SPTBN5: variants seen among roughly 807,000 people sequenced by gnomAD.
The protein encoded by SPTBN5 is spectrin beta chain, non-erythrocytic 5.
SPTBN5 carries 513 observed loss-of-function variants against 477.6 expected under a neutral mutation model. That is an observed-to-expected ratio of 1.07 (90% CI 1.00 to 1.16). SPTBN5 has a LOEUF of 1.16. Among genes scored for constraint, SPTBN5 ranks in the 50% most tolerant of loss-of-function variants. SPTBN5 has a pLI of 0.00. For synonymous variants in SPTBN5, 2,169 were observed against 2,011.7 expected (o/e 1.08, Z -2.09); for missense variants, 5,062 against 4,731.8 (o/e 1.07, Z -2.05).
At chr15:41,859,019 C>CG (rs1015023493) in intron 47 of SPTBN5, 39 bp from the exon 48 acceptor site, 1 of 1,458,734 alleles carries the variant, frequency 6.9e-7, no homozygotes, top group African/African-American at 1.4e-5. Context: ...GAGCCACCCC[C>CG]GGGGCCAGGT....
chr15:41,885,871 C>A lies in SPTBN5; in HGVS notation c.1384G>T (p.Val462Leu). ...CCCAGCCTCTGGACGGCTGCCTCCA[C>A]TGTGGCCAGGCTGGCTGGCGGGGCT... is the stretch of plus-strand genomic sequence containing the variant. ...ARAPPASLAT[V>L]EAAVQRLGML... The change falls in exon 7 of 68, where the codon GTG becomes TTG. Residue 462 changes from valine to leucine, a missense_variant. Val to Leu is a conservative substitution (Grantham distance 32). Coordinates refer to ENST00000320955, the MANE Select transcript of SPTBN5 (RefSeq NM_016642.4). The A allele has an allele frequency of 6.3e-7, 1 of 1,580,832 alleles. No homozygotes were observed. Among genetic ancestry groups the A allele is most frequent in the Non-Finnish European group, 8.6e-7 (1 of 1,163,512 alleles).
intron 64 of SPTBN5, 43 bp from the exon 65 acceptor site, chr15:41,851,193 C>G (rs2065747143): frequency 6.3e-7 from 1 of 1,595,112 alleles, no homozygotes; most frequent in South Asian, 1.1e-5. Context: ...GCCATCTCAG[C>G]TTTTCCCTGT....
At chr15:41,890,259 C>T in intron 3 of SPTBN5, 54 bp from the exon 4 acceptor site, 1 of 1,319,876 alleles carries the variant, frequency 7.6e-7, no homozygotes, top group South Asian at 1.2e-5. Context: ...AGAGAGGACT[C>T]AGTCACCAAA....
intron 16 of SPTBN5, among the ~76,000 whole-genome samples, chr15:41,878,910 A>G (rs1432959250): frequency 6.6e-6 from 1 of 152,156 alleles, no homozygotes; most frequent in Non-Finnish European, 1.5e-5. Context: ...TACTAAAAAT[A>G]CAAAAATTAG....
chr15:41,859,514 G>A (rs759621348), intron 47 of SPTBN5, among the ~76,000 whole-genome samples: 26 of 152,230 alleles, frequency 1.7e-4, no homozygotes, highest in Non-Finnish European at 3.7e-4. Context: ...TTTGGAGACA[G>A]CGTCTTTAAA....
Position 41,876,641 on chromosome 15 carries a change from T to C in SPTBN5, c.3858A>G (p.Arg1286=). 1 of 1,129,634 alleles carries C rather than the reference T, an allele frequency of 8.9e-7. No homozygotes were observed. The highest frequency in any genetic ancestry group is 1.3e-5 in the South Asian group (1 of 79,972). The allele number at this position is 1,129,634 out of a possible 1,614,324, so 70.0% of individuals were successfully genotyped here. ...QSQHPAAHTV[R]EQLQSIQAQW... ...GTGCCTGGATACTCTGCAGCTGCTCTCTGACCCTGGAGGGCGGGGGGGGGT... is the reference window on the plus strand; with the variant it reads ...GTGCCTGGATACTCTGCAGCTGCTCCCTGACCCTGGAGGGCGGGGGGGGGT... Residue 1286 remains arginine, a synonymous_variant, in exon 20 of 68, where the codon AGA becomes AGG. Coordinates refer to ENST00000320955, the MANE Select transcript of SPTBN5 (RefSeq NM_016642.4).
intron 51 of SPTBN5, 98 bp downstream of exon 51, chr15:41,857,140 G>A (rs1022914546): frequency 7.3e-6 from 11 of 1,513,762 alleles, no homozygotes; most frequent in Non-Finnish European, 8.9e-6. Flanking sequence ...CTCACCATGG[G>A]CAAGGGGAGA....
intron 6 of SPTBN5, 145 bp downstream of exon 6, chr15:41,887,068 A>G (rs1435380475): frequency 2.7e-6 from 2 of 729,482 alleles, no homozygotes; most frequent in African/African-American, 3.5e-5. Flanking sequence ...TCCAGGCATC[A>G]TCATCTCCAT....
At chr15:41,869,468 A>C (rs1469759583) in intron 32 of SPTBN5, among the ~76,000 whole-genome samples, 5 of 152,018 alleles carry the variant, frequency 3.3e-5, no homozygotes, top group Non-Finnish European at 7.4e-5. Flanking sequence ...TCCTCTCTCC[A>C]CCCGTGGCTT....
At chr15:41,883,988 T>G (rs2067067737) in intron 7 of SPTBN5, among the ~76,000 whole-genome samples, 1 of 151,374 alleles carries the variant, frequency 6.6e-6, no homozygotes, top group Non-Finnish European at 1.5e-5. Flanking sequence ...TTTTTATTTT[T>G]TATTTATTTA....
Position 41,870,171 on chromosome 15 carries a change from C to G in SPTBN5, c.5673+72G>C, listed in dbSNP as rs1210982283. 2.2e-5 allele frequency: 33 copies of G among 1,500,276 alleles called. No homozygotes were observed. The South Asian group carries it at 4.2e-4, about 19-fold the overall frequency. 92.9% of individuals were successfully genotyped at this position (1,500,276 alleles called of 1,614,324 possible). On this transcript the variant is annotated intron_variant, in intron 31 of 67. Coordinates refer to ENST00000320955, the MANE Select transcript of SPTBN5 (RefSeq NM_016642.4). ...GAGGCCCTGAGGGACAGTGGAAAATCTAGAGGAACAGGCAGGCCAGCCTGA... is the reference window on the plus strand; with the variant it reads ...GAGGCCCTGAGGGACAGTGGAAAATGTAGAGGAACAGGCAGGCCAGCCTGA...
chr15:41,856,419 C>A lies in SPTBN5; in HGVS notation c.8988G>T (p.Gln2996His). 6.3e-7 allele frequency: 1 copy of A among 1,590,326 alleles called. No homozygotes were observed. ...AEAARRRLLL[Q>H]QAQEAQQFLT... is the part of the protein sequence containing the mutation. Reference sequence around the variant, plus strand: ...GAAACTGCTGGGCCTCCTGAGCCTGCTGCAGCAGAAGCCGCCTCCGCGCCG... The same window carrying A: ...GAAACTGCTGGGCCTCCTGAGCCTGATGCAGCAGAAGCCGCCTCCGCGCCG... The change falls in exon 53 of 68, where the codon CAG (glutamine) becomes CAT (histidine). Residue 2996 changes from glutamine to histidine, a missense_variant. By Grantham distance (24) the Gln-to-His change is conservative (BLOSUM62 0). Coordinates refer to ENST00000320955, the MANE Select transcript of SPTBN5 (RefSeq NM_016642.4).
chr15:41,864,146 TGGGAAGA>T, intron 39 of SPTBN5, 122 bp from the exon 40 acceptor site: 1 of 810,804 alleles, frequency 1.2e-6, no homozygotes, highest in Non-Finnish European at 1.9e-6. Flanking sequence ...ATTTGGGCAG[TGGGAAGA>T]ACTGCCTCCT....
Position 41,855,248 on chromosome 15 carries a change from G to A in SPTBN5, c.9399C>T (p.Tyr3133=), listed in dbSNP as rs1478999598. ...TKAATAESQD[Y]GQDLEGVKVL... ...CCTTGACACCCTCCAGGTCCTGCCC[G>A]TAGTCCTGGGACTCGGCGGTGGCCG... Residue 3133 remains tyrosine (Y), a synonymous_variant, in exon 55 of 68, where the codon TAC becomes TAT. Transcript: ENST00000320955. 2.1e-5 allele frequency: 34 copies of A among 1,612,128 alleles called. No individual in the cohort carries two copies. The highest frequency in any genetic ancestry group is 4.4e-5 in the South Asian group (4 of 90,930).
chr15:41,857,289 C>G lies in SPTBN5; in HGVS notation c.8570G>C (p.Gly2857Ala), dbSNP rs982993424. The G allele has an allele frequency of 2.5e-6, 4 of 1,573,194 alleles. No individual in the cohort carries two copies. In the African/African-American group the frequency reaches 5.4e-5, roughly 21 times the overall value. The change falls in exon 51 of 68, where the codon GGC (glycine) becomes GCC (alanine). Residue 2857 changes from glycine (G) to alanine (A), a missense_variant. Transcript: ENST00000320955. ...TTCCACATCTTGGGCAAGGCAGTGG[C>G]CTTCCCTCACAAAGGCCTGGGCCTG... is the stretch of plus-strand genomic sequence containing the variant. ...LGQAQAFVRE[G>A]HCLAQDVEEQ... is the part of the protein sequence containing the mutation.
At position 41,885,767 on chromosome 15, in the gene SPTBN5, C is replaced by T; in HGVS notation, c.1488G>A (p.Glu496=). ...CCACATCTGCCCAGCTGTGGTACTG[C>T]TCCTGCCGGAGGATGTCTGCGATCT... ...LAEIADILRQ[E]QYHSWADVAR... is the part of the protein sequence containing the mutation. Residue 496 remains glutamate (E), a synonymous_variant, in exon 7 of 68, where the codon GAG becomes GAA. Transcript: ENST00000320955. The T allele has an allele frequency of 1.3e-6, 2 of 1,557,644 alleles. No individual in the cohort carries two copies. The highest frequency in any genetic ancestry group is 1.7e-6 in the Non-Finnish European group (2 of 1,150,792).
chr15:41,852,769 T>TGGTGGG, intron 60 of SPTBN5, 34 bp from the exon 61 acceptor site: 1 of 1,272,806 alleles, frequency 7.9e-7, no homozygotes, highest in Non-Finnish European at 1.1e-6. Flanking sequence ...ACGCCCAGCT[T>TGGTGGG]GGGGGGGGGG....
chr15:41,849,937 G>C lies in SPTBN5; in HGVS notation c.10944C>G (p.Leu3648=), dbSNP rs2065695344. 2.5e-6 allele frequency: 4 copies of C among 1,595,736 alleles called. No homozygotes were observed. The highest frequency in any genetic ancestry group is 3.4e-6 in the Non-Finnish European group (4 of 1,170,894). ...TCAGAGAGCTGACAGGTTTGGCTTT[G>C]AGTTTTGGGCTCAGACTCTGGGCTG... ...STAAQSLSPK[L]KAKPVSSLNE... The change falls in exon 67 of 68, where the codon CTC becomes CTG. Residue 3648 remains leucine (L), a synonymous_variant. Coordinates refer to ENST00000320955, the MANE Select transcript of SPTBN5 (RefSeq NM_016642.4).
In SPTBN5 at chr15:41,850,373, G is replaced by C. The variant is rs374562153; in HGVS notation, c.10922-414C>G. ...TCAGCAGAGCACGCTGACCACGGAA[G>C]AAAGTCCAAAGGGTTGTCTCTATAT... On this transcript the variant is annotated intron_variant, in intron 66 of 67. Coordinates refer to ENST00000320955, the MANE Select transcript of SPTBN5 (RefSeq NM_016642.4). The C allele has an allele frequency of 5.0e-5, 12 of 241,700 alleles. No individual in the cohort carries two copies. The East Asian group carries it at 8.4e-4, about 17-fold the overall frequency. 15.0% of individuals were successfully genotyped at this position (241,700 alleles called of 1,614,324 possible).
Sources: gnomAD v4.1 joint callset for allele counts (sites outside exome capture counted in the v4.1 genomes callset) on GRCh38, gnomAD v4.1.1 for gene constraint, MANE v1.5 for transcripts, NCBI Gene and HGNC (gene_info 2026-07-23, HGNC 2026-07-21) for gene names.